The following KIF16B variants were observed in gnomAD, a reference collection of about 807,000 sequenced individuals.
KIF16B encodes the protein kinesin-like protein KIF16B.
KIF16B carries 98 observed loss-of-function variants against 156.3 expected under a neutral mutation model. That is an observed-to-expected ratio of 0.63 (90% CI 0.53 to 0.74). The LOEUF (loss-of-function observed/expected upper bound fraction) is 0.74. KIF16B is among the 30% of genes least tolerant of loss of function. KIF16B has a pLI of 0.00. For missense variants in KIF16B, 1,421 were observed against 1,606.5 expected, an observed-to-expected ratio of 0.88 and a Z score of 1.97; for synonymous variants, 564 against 583.7, an observed-to-expected ratio of 0.97 and a Z score of 0.49.
At position 16,410,089 on chromosome 20, in the gene KIF16B, A is replaced by AGGTACATATATATATATGTT. The variant is rs1568948577; in HGVS notation, c.1613-3634_1613-3633insAACATATATATATATGTACC. On this transcript the variant is annotated intron_variant, in intron 15 of 25. Coordinates refer to ENST00000354981, the MANE Select transcript of KIF16B (RefSeq NM_024704.5). ...TATGTAGGTACATATATATATATGTAGGTACATATATATATATGTAGGTAC... is the reference window on the plus strand; with the variant it reads ...TATGTAGGTACATATATATATATGTAGGTACATATATATATATGTTGGTACATATATATATATGTAGGTAC... Among the ~76,000 whole-genome samples the AGGTACATATATATATATGTT allele has an allele frequency of 3.7e-4, 38 of 102,516 alleles. 1 individual carries two copies. The highest frequency in any genetic ancestry group is 5.0e-4 in the Admixed American group (5 of 10,070). 67.3% of individuals were successfully genotyped at this position (102,516 alleles called of 152,430 possible).
intron 1 of KIF16B, among the ~76,000 whole-genome samples, chr20:16,541,494 T>A (rs556996515): frequency 6.6e-6 from 1 of 152,234 alleles, no homozygotes; most frequent in East Asian, 1.9e-4. Context: ...CACAGCCTTA[T>A]GAGTCTCCCA....
chr20:16,472,756 C>T (rs2067700302), intron 12 of KIF16B, among the ~76,000 whole-genome samples: 1 of 152,094 alleles, frequency 6.6e-6, no homozygotes, highest in Non-Finnish European at 1.5e-5. Context: ...GACTGACCGC[C>T]TGCCTACTGA....
At chr20:16,451,270 T>C (rs2067073767) in intron 12 of KIF16B, among the ~76,000 whole-genome samples, 1 of 152,016 alleles carries the variant, frequency 6.6e-6, no homozygotes. Context: ...TAGCAGCAAA[T>C]GTACGATGCT....
At chr20:16,456,651 C>T (rs2067220054) in intron 12 of KIF16B, among the ~76,000 whole-genome samples, 1 of 152,106 alleles carries the variant, frequency 6.6e-6, no homozygotes, top group Admixed American at 6.5e-5. Context: ...ATAGTGTACC[C>T]AGATTGGACC....
intron 3 of KIF16B, among the ~76,000 whole-genome samples, chr20:16,518,123 C>T (rs2069205191): frequency 6.6e-6 from 1 of 152,094 alleles, no homozygotes; most frequent in Admixed American, 6.5e-5. Context: ...GGCGCAGAGA[C>T]CCAGGGCTGG....
chr20:16,291,187 T>A (rs2063309780), intron 25 of KIF16B, among the ~76,000 whole-genome samples: 1 of 152,192 alleles, frequency 6.6e-6, no homozygotes, highest in South Asian at 2.1e-4. Flanking sequence ...TTCGAAAAAT[T>A]TCATAGGTTT....
At chr20:16,423,293 G>A (rs1013808590) in intron 15 of KIF16B, among the ~76,000 whole-genome samples, 1 of 152,096 alleles carries the variant, frequency 6.6e-6, no homozygotes, top group Non-Finnish European at 1.5e-5. Flanking sequence ...TAGTTCTGTG[G>A]CAGAGTTTAA....
chr20:16,381,394 TAA>T (rs2065090062), intron 18 of KIF16B, among the ~76,000 whole-genome samples: 1 of 92,812 alleles, frequency 1.1e-5, no homozygotes, highest in Non-Finnish European at 2.1e-5. Flanking sequence ...TGATTAAATT[TAA>T]ATGAATACAT....
intron 1 of KIF16B, among the ~76,000 whole-genome samples, chr20:16,547,983 G>A (rs1311186034): frequency 1.3e-5 from 2 of 152,126 alleles, no homozygotes; most frequent in East Asian, 1.9e-4. Context: ...AGGGAAGCGA[G>A]TGTCAGCTGA....
intron 25 of KIF16B, among the ~76,000 whole-genome samples, chr20:16,279,540 G>A (rs2063115021): frequency 6.6e-6 from 1 of 152,160 alleles, no homozygotes; most frequent in Non-Finnish European, 1.5e-5. Flanking sequence ...ACAAGGGTCA[G>A]GAATCAGAAG....
intron 10 of KIF16B, among the ~76,000 whole-genome samples, chr20:16,500,862 C>T (rs781328076): frequency 3.9e-5 from 6 of 152,084 alleles, no homozygotes; most frequent in Non-Finnish European, 8.8e-5. Flanking sequence ...ATTCATTCTA[C>T]TTTCATCTTC....
At chr20:16,403,362 G>A (rs1412958376) in intron 17 of KIF16B, among the ~76,000 whole-genome samples, 1 of 152,170 alleles carries the variant, frequency 6.6e-6, no homozygotes, top group Admixed American at 6.5e-5. Context: ...ACTACTGTAA[G>A]GAATTAAAGA....
intron 12 of KIF16B, among the ~76,000 whole-genome samples, chr20:16,456,097 CAATACA>C (rs2067205390): frequency 4.7e-5 from 1 of 21,344 alleles, no homozygotes; most frequent in East Asian, 7.1e-3. Flanking sequence ...CTACTGGAGC[CAATACA>C]ATACAATACA....
intron 1 of KIF16B, among the ~76,000 whole-genome samples, chr20:16,571,080 CACTT>C (rs377355317): frequency 6.8e-4 from 103 of 152,290 alleles, no homozygotes; most frequent in Non-Finnish European, 1.1e-3. Flanking sequence ...TTGTACTTGA[CACTT>C]AATACATCTC....
At chr20:16,482,060 T>C (rs2067996984) in intron 12 of KIF16B, among the ~76,000 whole-genome samples, 1 of 152,104 alleles carries the variant, frequency 6.6e-6, no homozygotes, top group Admixed American at 6.6e-5. Flanking sequence ...AGGTGACATG[T>C]AAAGTACGAG....
intron 15 of KIF16B, among the ~76,000 whole-genome samples, chr20:16,420,584 G>A (rs1207564941): frequency 1.3e-5 from 2 of 152,116 alleles, no homozygotes; most frequent in African/African-American, 4.8e-5. Flanking sequence ...GTCAATTGTG[G>A]AGTTAATATG....
intron 23 of KIF16B, among the ~76,000 whole-genome samples, chr20:16,338,104 G>A (rs766332076): frequency 5.9e-5 from 9 of 152,086 alleles, no homozygotes; most frequent in East Asian, 1.9e-4. Context: ...GCAATCATCA[G>A]CAAAATCCCC....
At chr20:16,453,056 T>C (rs1220540799) in intron 12 of KIF16B, among the ~76,000 whole-genome samples, 1 of 148,494 alleles carries the variant, frequency 6.7e-6, no homozygotes, top group Admixed American at 6.7e-5. Context: ...CAAGTTCCAA[T>C]ATAAAATATG....
At chr20:16,298,686 A>G (rs968729738) in intron 25 of KIF16B, among the ~76,000 whole-genome samples, 1 of 152,178 alleles carries the variant, frequency 6.6e-6, no homozygotes, top group Non-Finnish European at 1.5e-5. Context: ...TCAGACATCA[A>G]GTGCTTCCTG....
Sources: allele counts gnomAD v4.1 joint callset (sites outside exome capture counted in the v4.1 genomes callset), GRCh38; gene constraint gnomAD v4.1.1; transcripts MANE v1.5; gene names NCBI Gene and HGNC (gene_info 2026-07-23, HGNC 2026-07-21).